The following KHDRBS2 variants were observed in gnomAD, a reference collection of about 807,000 sequenced individuals.
KHDRBS2 encodes KH RNA binding domain containing, signal transduction associated 2.
Under a neutral mutation model 44.3 loss-of-function variants are expected in KHDRBS2, and 26 were observed. That is an observed-to-expected ratio of 0.59 (90% CI 0.43 to 0.81). KHDRBS2 has a LOEUF of 0.81. KHDRBS2 is among the 40% of genes least tolerant of loss of function. KHDRBS2 has a pLI of 0.00. For synonymous variants in KHDRBS2, 194 were observed against 151.1 expected (o/e 1.28, Z -2.08); for missense variants, 476 against 433.1 (o/e 1.10, Z -0.88).
chr6:61,621,943 T>C, the KHDRBS2 span, among the ~76,000 whole-genome samples: 32 of 152,266 alleles, frequency 2.1e-4, no homozygotes, highest in Admixed American at 3.3e-4. Flanking sequence ...ACCATAGAGA[T>C]AGTAAGAAGC....
At chr6:61,817,559 A>G (rs552518200) in intron 6 of KHDRBS2, among the ~76,000 whole-genome samples, 2 of 152,238 alleles carry the variant, frequency 1.3e-5, no homozygotes, top group Admixed American at 6.6e-5. Flanking sequence ...ATACAATGCT[A>G]TGTTTTACAC....
chr6:62,145,568 C>A (rs1434187952), intron 2 of KHDRBS2, among the ~76,000 whole-genome samples: 3 of 145,574 alleles, frequency 2.1e-5, no homozygotes, highest in Non-Finnish European at 4.6e-5. Context: ...CTTTTTCTTT[C>A]TTTTATTTTT....
At chr6:61,620,465 TC>T in the KHDRBS2 span, among the ~76,000 whole-genome samples, 1 of 152,228 alleles carries the variant, frequency 6.6e-6, no homozygotes, top group African/African-American at 2.4e-5. Flanking sequence ...GGCTTCTGGA[TC>T]CAGACTAACT....
intron 3 of KHDRBS2, among the ~76,000 whole-genome samples, chr6:62,026,303 TA>T (rs1198798281): frequency 1.3e-5 from 2 of 151,720 alleles, no homozygotes; most frequent in African/African-American, 4.8e-5. Context: ...GAATTGCTCA[TA>T]AAAAAACCGT....
chr6:62,174,895 C>T (rs549671188), intron 2 of KHDRBS2, among the ~76,000 whole-genome samples: 3 of 151,686 alleles, frequency 2.0e-5, no homozygotes, highest in South Asian at 2.1e-4. Context: ...CATAGTATTA[C>T]ACCACATCAC....
At chr6:62,187,273 A>T (rs1823639638) in intron 1 of KHDRBS2, among the ~76,000 whole-genome samples, 1 of 152,166 alleles carries the variant, frequency 6.6e-6, no homozygotes, top group African/African-American at 2.4e-5. Flanking sequence ...ACAGCAAGGA[A>T]AGTAAGAGAT....
At chr6:61,607,520 CAAA>C in the KHDRBS2 span, among the ~76,000 whole-genome samples, 4 of 41,108 alleles carry the variant, frequency 9.7e-5, no homozygotes, top group Admixed American at 4.9e-4. Context: ...GAGTTCCAAG[CAAA>C]AAAAAAAAAA....
intron 4 of KHDRBS2, among the ~76,000 whole-genome samples, chr6:61,952,271 C>A (rs1443291429): frequency 6.6e-6 from 1 of 152,000 alleles, no homozygotes; most frequent in Non-Finnish European, 1.5e-5. Context: ...GGGAGCTACA[C>A]AGGTCAGAAG....
chr6:61,829,770 A>G (rs1324532186), intron 6 of KHDRBS2, among the ~76,000 whole-genome samples: 1 of 152,158 alleles, frequency 6.6e-6, no homozygotes, highest in African/African-American at 2.4e-5. Flanking sequence ...CATACATAGT[A>G]TAAATCTTTG....
chr6:61,884,555 CAT>C (rs1800650509), intron 6 of KHDRBS2, among the ~76,000 whole-genome samples: 1 of 152,002 alleles, frequency 6.6e-6, no homozygotes, highest in Admixed American at 6.6e-5. Flanking sequence ...GCTACACCAA[CAT>C]ATGAGTTACA....
chr6:61,900,997 C>T (rs2127342670), intron 5 of KHDRBS2, among the ~76,000 whole-genome samples: 1 of 152,060 alleles, frequency 6.6e-6, no homozygotes, highest in South Asian at 2.1e-4. Context: ...AGGTAAATTT[C>T]ATACACCTTT....
chr6:62,265,288 CTG>C (rs1839007911), intron 1 of KHDRBS2, among the ~76,000 whole-genome samples: 2 of 151,994 alleles, frequency 1.3e-5, no homozygotes, highest in South Asian at 4.1e-4. Context: ...ACTGAAAAGA[CTG>C]TCTCCTGCAT....
chr6:61,975,088 G>T (rs1772286693), intron 4 of KHDRBS2, among the ~76,000 whole-genome samples: 1 of 152,120 alleles, frequency 6.6e-6, no homozygotes, highest in African/African-American at 2.4e-5. Flanking sequence ...AAAGTGGGTT[G>T]TTTACCAGCA....
the KHDRBS2 span, among the ~76,000 whole-genome samples, chr6:61,638,521 G>A: frequency 6.8e-4 from 104 of 152,090 alleles, no homozygotes; most frequent in African/African-American, 2.4e-3. Flanking sequence ...ATGGATTAAA[G>A]ACTTAAGCCT....
chr6:62,028,323 C>A (rs1167959489), intron 3 of KHDRBS2, among the ~76,000 whole-genome samples: 2 of 151,996 alleles, frequency 1.3e-5, no homozygotes, highest in Non-Finnish European at 2.9e-5. Flanking sequence ...TTGAGCTTAG[C>A]AGGATAAAAT....
At chr6:62,069,194 G>C (rs1794430602) in intron 2 of KHDRBS2, among the ~76,000 whole-genome samples, 1 of 151,524 alleles carries the variant, frequency 6.6e-6, no homozygotes, top group African/African-American at 2.4e-5. Flanking sequence ...TTGACTGGAA[G>C]CCTTACCAAT....
intron 3 of KHDRBS2, among the ~76,000 whole-genome samples, chr6:62,011,720 C>G (rs1780327413): frequency 6.6e-6 from 1 of 151,988 alleles, no homozygotes; most frequent in South Asian, 2.1e-4. Context: ...ATTTTTGTGA[C>G]TAATTTTGGT....
chr6:61,903,047 G>C (rs189570861), intron 4 of KHDRBS2, among the ~76,000 whole-genome samples: 142 of 152,276 alleles, frequency 9.3e-4, no homozygotes, highest in African/African-American at 3.3e-3. Context: ...AAGAGACATA[G>C]AGTAGAAAAT....
At chr6:61,656,121 C>T in the KHDRBS2 span, among the ~76,000 whole-genome samples, 1 of 152,038 alleles carries the variant, frequency 6.6e-6, no homozygotes, top group East Asian at 1.9e-4. Context: ...GATGTGATTT[C>T]ATTTAACGGA....
Sources: gnomAD v4.1 joint callset for allele counts (sites outside exome capture counted in the v4.1 genomes callset) on GRCh38, gnomAD v4.1.1 for gene constraint, MANE v1.5 for transcripts, NCBI Gene and HGNC (gene_info 2026-07-23, HGNC 2026-07-21) for gene names.